The following BEND7 variants were observed in gnomAD, a reference collection of about 807,000 sequenced individuals.
BEND7 encodes BEN domain-containing protein 7.
In BEND7, 28 loss-of-function variants were observed where a neutral mutation model predicts 50.9. That is an observed-to-expected ratio of 0.55 (90% CI 0.41 to 0.75). The LOEUF is 0.75. Among genes scored for constraint, BEND7 ranks in the 30% least tolerant of loss-of-function variants. BEND7 has a pLI of 0.00. For synonymous variants in BEND7, 170 were observed against 183.9 expected (o/e 0.92, Z 0.61); for missense variants, 477 against 491.3 (o/e 0.97, Z 0.28).
chr10:13,519,041 T>C (rs1381602261), intron 2 of BEND7, among the ~76,000 whole-genome samples: 1 of 152,158 alleles, frequency 6.6e-6, no homozygotes, highest in Non-Finnish European at 1.5e-5. Flanking sequence ...GTGGCAGCTG[T>C]TAAGTTTCGG....
chr10:13,439,029 C>T, downstream of BEND7: 1 of 796,698 alleles, frequency 1.3e-6, no homozygotes, highest in East Asian at 2.7e-5. Flanking sequence ...TTTAATCAGT[C>T]CACTCTTGCT....
intron 2 of BEND7, among the ~76,000 whole-genome samples, chr10:13,523,378 G>A (rs572960938): frequency 2.0e-5 from 3 of 152,306 alleles, no homozygotes; most frequent in South Asian, 4.2e-4. Context: ...CACTACGTTC[G>A]TTAACAGCCT....
Position 13,468,852 on chromosome 10 carries a change from G to A in BEND7, c.1063+12047C>T, listed in dbSNP as rs578021491. On this transcript the variant is annotated intron_variant, in intron 6 of 8. Coordinates refer to ENST00000466271, the MANE Select transcript of BEND7 (RefSeq NM_001369863.1). ...AGTTGATGCCTCTGCTAAAAATAAT[G>A]TAGTTGCAAGGGGGTATCAGGGTTA... Among the ~76,000 whole-genome samples the A allele has an allele frequency of 2.6e-5, 4 of 152,352 alleles. No homozygotes were observed. In the South Asian group the frequency reaches 8.3e-4, roughly 32 times the overall value.
chr10:13,439,269 A>T (rs1003473687), downstream of BEND7: 4 of 1,614,022 alleles, frequency 2.5e-6, no homozygotes, highest in South Asian at 3.3e-5. Flanking sequence ...TGTAGCTGAG[A>T]CCTGAGTTAT....
intron 6 of BEND7, among the ~76,000 whole-genome samples, chr10:13,467,876 C>T (rs1044002613): frequency 1.3e-5 from 2 of 152,140 alleles, no homozygotes; most frequent in African/African-American, 4.8e-5. Flanking sequence ...TTCCTTCCTT[C>T]CTGTATTTAT....
intron 2 of BEND7, among the ~76,000 whole-genome samples, chr10:13,509,829 A>C (rs1206346409): frequency 6.6e-6 from 1 of 152,254 alleles, no homozygotes; most frequent in Non-Finnish European, 1.5e-5. Context: ...TGACACTTTG[A>C]CTTCATCCTC....
chr10:13,508,216 G>C (rs1348207879), intron 2 of BEND7, among the ~76,000 whole-genome samples: 1 of 152,152 alleles, frequency 6.6e-6, no homozygotes, highest in Admixed American at 6.5e-5. Context: ...CAGCCTGCAG[G>C]GACAACAGCC....
intron 2 of BEND7, among the ~76,000 whole-genome samples, chr10:13,515,026 G>C (rs1217617697): frequency 6.6e-6 from 1 of 152,138 alleles, no homozygotes; most frequent in African/African-American, 2.4e-5. Flanking sequence ...TCCTGGAACA[G>C]AATAAATTCT....
intron 6 of BEND7, among the ~76,000 whole-genome samples, chr10:13,463,803 G>A (rs535964957): frequency 5.3e-5 from 8 of 152,278 alleles, no homozygotes; most frequent in African/African-American, 1.9e-4. Flanking sequence ...AAAATAAGGG[G>A]TGATACTTGA....
intron 7 of BEND7, among the ~76,000 whole-genome samples, chr10:13,449,001 G>C (rs1262367770): frequency 6.7e-6 from 1 of 148,590 alleles, no homozygotes; most frequent in Admixed American, 6.7e-5. Context: ...AGATGTTGTA[G>C]ATGAATATTT....
Position 13,467,641 on chromosome 10 carries a change from G to A in BEND7, c.1063+13258C>T, listed in dbSNP as rs541480229. On this transcript the variant is annotated intron_variant, in intron 6 of 8. Transcript: ENST00000466271. Reference sequence around the variant, plus strand: ...GCCATTTGATCTGTCTGTGGCTGCTGTTCCTTCTAATCTTCAAATTTATAT... The same window carrying A: ...GCCATTTGATCTGTCTGTGGCTGCTATTCCTTCTAATCTTCAAATTTATAT... Among the ~76,000 whole-genome samples the A allele has an allele frequency of 1.6e-4, 25 of 152,280 alleles. 1 individual carries two copies. In the South Asian group the frequency reaches 4.6e-3, roughly 28 times the overall value.
intron 5 of BEND7, among the ~76,000 whole-genome samples, chr10:13,483,695 A>T (rs2076026496): frequency 1.3e-5 from 2 of 152,220 alleles, no homozygotes. Flanking sequence ...ATGTGTAGGA[A>T]TCTGAAGGCT....
At chr10:13,509,504 G>C (rs1198388863) in intron 2 of BEND7, among the ~76,000 whole-genome samples, 1 of 152,200 alleles carries the variant, frequency 6.6e-6, no homozygotes, top group Non-Finnish European at 1.5e-5. Flanking sequence ...CACAGTTACG[G>C]TGTCCGTGAC....
At chr10:13,513,529 T>C (rs1206718789) in intron 2 of BEND7, among the ~76,000 whole-genome samples, 2 of 152,160 alleles carry the variant, frequency 1.3e-5, no homozygotes, top group African/African-American at 4.8e-5. Flanking sequence ...TAGGAGTTAT[T>C]CCTCCTCCCC....
chr10:13,456,108 A>C (rs187623521), intron 6 of BEND7, among the ~76,000 whole-genome samples: 60 of 151,974 alleles, frequency 3.9e-4, no homozygotes, highest in Non-Finnish European at 7.9e-4. Context: ...GCATGAATGA[A>C]CTCACCTCTC....
At chr10:13,439,495 C>T (rs778124982), downstream of BEND7, 3 of 1,595,290 alleles carry the variant, frequency 1.9e-6, no homozygotes, top group East Asian at 6.7e-5. Flanking sequence ...CCACCACAAG[C>T]ACCTGTGGAA....
intron 2 of BEND7, among the ~76,000 whole-genome samples, chr10:13,501,777 C>CA (rs1588979340): frequency 6.6e-6 from 1 of 151,474 alleles, no homozygotes. Context: ...GCCCCGGAGG[C>CA]AGAGGTTGCA....
intron 5 of BEND7, among the ~76,000 whole-genome samples, chr10:13,484,265 C>T (rs1010712223): frequency 1.3e-5 from 2 of 152,132 alleles, no homozygotes; most frequent in African/African-American, 2.4e-5. Flanking sequence ...TGCCAGGTGC[C>T]GCAAGGCAAC....
At chr10:13,493,382 G>A (rs543719327) in intron 4 of BEND7, among the ~76,000 whole-genome samples, 108 of 152,308 alleles carry the variant, frequency 7.1e-4, no homozygotes, top group African/African-American at 2.4e-3. Context: ...AAAAGAAGCC[G>A]TCTGGGATGA....
Sources: allele counts gnomAD v4.1 joint callset (sites outside exome capture counted in the v4.1 genomes callset), GRCh38; gene constraint gnomAD v4.1.1; transcripts MANE v1.5; gene names NCBI Gene and HGNC (gene_info 2026-07-23, HGNC 2026-07-21).